Variants in PUM1 observed in about 807,000 individuals in gnomAD.
PUM1 encodes the protein pumilio homolog 1.
In PUM1, 13 loss-of-function variants were observed where a neutral mutation model predicts 131.8. The observed-to-expected ratio is 0.10, with a 90% CI of 0.06 to 0.16. The LOEUF is 0.16. Among genes scored for constraint, PUM1 ranks in the 10% least tolerant of loss-of-function variants. The pLI is 1.00. For missense variants in PUM1, 961 were observed against 1,512.4 expected, an observed-to-expected ratio of 0.64 and a Z score of 6.05; for synonymous variants, 509 against 556.5, an observed-to-expected ratio of 0.91 and a Z score of 1.20.
intron 9 of PUM1, 171 bp from the exon 10 acceptor site, chr1:30,974,973 A>G (rs1338449550): frequency 4.0e-6 from 2 of 494,402 alleles, no homozygotes; most frequent in East Asian, 7.1e-5. Flanking sequence ...TAAACATTAT[A>G]TGAGATCCTT....
intron 3 of PUM1, among the ~76,000 whole-genome samples, chr1:31,013,484 C>A (rs888637944): frequency 6.6e-6 from 1 of 152,162 alleles, no homozygotes; most frequent in Non-Finnish European, 1.5e-5. Flanking sequence ...ACCCTGCAGA[C>A]GTGATCAGTT....
intron 9 of PUM1, among the ~76,000 whole-genome samples, chr1:30,975,815 G>A (rs1031007140): frequency 1.3e-5 from 2 of 151,886 alleles, no homozygotes; most frequent in African/African-American, 4.8e-5. Flanking sequence ...ACAAAATTAA[G>A]CATTCTCTGT....
intron 20 of PUM1, among the ~76,000 whole-genome samples, chr1:30,939,493 A>T (rs1447536917): frequency 1.3e-5 from 2 of 152,292 alleles, no homozygotes; most frequent in Non-Finnish European, 2.9e-5. Flanking sequence ...CATGGAAAAG[A>T]CTGGGAAGTG....
intron 2 of PUM1, among the ~76,000 whole-genome samples, chr1:31,048,729 C>T (rs1351102923): frequency 6.6e-6 from 1 of 151,978 alleles, no homozygotes; most frequent in African/African-American, 2.4e-5. Context: ...CTGCCTCGGC[C>T]TCCCAAAGTG....
chr1:30,981,723 A>G (rs1459922538), intron 7 of PUM1, among the ~76,000 whole-genome samples: 1 of 152,060 alleles, frequency 6.6e-6, no homozygotes, highest in Non-Finnish European at 1.5e-5. Flanking sequence ...ATCTATATCT[A>G]TATATCTATC....
At chr1:30,989,801 A>C (rs1168185711) in intron 7 of PUM1, among the ~76,000 whole-genome samples, 2 of 152,190 alleles carry the variant, frequency 1.3e-5, no homozygotes, top group Non-Finnish European at 2.9e-5. Flanking sequence ...TACTCTATTC[A>C]TGAAAGATAT....
At chr1:31,006,844 T>C (rs1642415976) in intron 4 of PUM1, 150 bp downstream of exon 4, 2 of 601,434 alleles carry the variant, frequency 3.3e-6, no homozygotes, top group African/African-American at 1.9e-5. Context: ...AATTACATCA[T>C]ATAAGCTCCT....
chr1:30,938,612 C>T (rs2124382326), intron 20 of PUM1, among the ~76,000 whole-genome samples: 1 of 152,152 alleles, frequency 6.6e-6, no homozygotes, highest in South Asian at 2.1e-4. Flanking sequence ...CACCTGTAAT[C>T]CCAGCACTTT....
intron 5 of PUM1, among the ~76,000 whole-genome samples, 176 bp downstream of exon 5, chr1:31,005,677 C>T (rs1642374558): frequency 6.6e-6 from 1 of 152,110 alleles, no homozygotes; most frequent in Admixed American, 6.5e-5. Context: ...GTTTACATCT[C>T]CTACTATGTT....
At chr1:30,958,605 C>A (rs1412367590) in intron 14 of PUM1, among the ~76,000 whole-genome samples, 1 of 152,084 alleles carries the variant, frequency 6.6e-6, no homozygotes, top group African/African-American at 2.4e-5. Flanking sequence ...CATGGGTAGG[C>A]AGGGCATGAA....
Position 31,014,864 on chromosome 1 carries a change from T to A in PUM1, c.433-7762A>T, listed in dbSNP as rs1164497250. On this transcript the variant is annotated intron_variant, in intron 3 of 21. Transcript: ENST00000426105. Reference sequence around the variant, plus strand: ...TAAATTAGCTGTGGGCCTGGTGCAGTGGCCCACACCTATAATCCCAGCATA... The same window carrying A: ...TAAATTAGCTGTGGGCCTGGTGCAGAGGCCCACACCTATAATCCCAGCATA... Among the ~76,000 whole-genome samples, 7 of 151,870 alleles carry A rather than the reference T, an allele frequency of 4.6e-5. No individual in the cohort carries two copies. The South Asian group carries it at 1.5e-3, about 32-fold the overall frequency.
chr1:30,947,646 T>C (rs1639736454), intron 17 of PUM1, among the ~76,000 whole-genome samples: 1 of 152,158 alleles, frequency 6.6e-6, no homozygotes, highest in Non-Finnish European at 1.5e-5. Flanking sequence ...CTGTCTCCAA[T>C]CTCTGTACAT....
Position 30,931,610 on chromosome 1 carries a change from GGTTT to G in PUM1, c.*1597_*1600del, listed in dbSNP as rs1476675876. 1 of 152,548 alleles carries G rather than the reference GGTTT, an allele frequency of 6.6e-6. No individual in the cohort carries two copies. The highest frequency in any genetic ancestry group is 6.5e-5 in the Admixed American group (1 of 15,268). The allele number at this position is 152,548 out of a possible 1,614,324, so 9.4% of individuals were successfully genotyped here. On this transcript the variant is annotated 3_prime_UTR_variant, in exon 22 of 22. Transcript: ENST00000426105. ...AGTTGCCCAGGCATAAGCATACACA[GGTTT>G]GTTAATTATACACATATGGTTACAA...
intron 9 of PUM1, 48 bp downstream of exon 9, chr1:30,980,014 T>C (rs766009026): frequency 7.4e-7 from 1 of 1,351,844 alleles, no homozygotes; most frequent in Non-Finnish European, 1.0e-6. Flanking sequence ...CCATCTCAAA[T>C]GACTTTTCAG....
Position 31,038,676 on chromosome 1 carries a change from C to T in PUM1, c.364-9812G>A, listed in dbSNP as rs534501787. Among the ~76,000 whole-genome samples the T allele has an allele frequency of 6.0e-4, 91 of 152,056 alleles. 3 individuals carry two copies. The South Asian group carries it at 0.016, about 27-fold the overall frequency. On this transcript the variant is annotated intron_variant, in intron 2 of 21. Transcript: ENST00000426105. ...ATGATTCTTATCCTTCTTTAAAACA[C>T]GCATACAAATACACACAACTTTACC...
chr1:31,029,264 C>T (rs1456898563), intron 2 of PUM1, among the ~76,000 whole-genome samples: 1 of 152,142 alleles, frequency 6.6e-6, no homozygotes. Flanking sequence ...CAGTTGTGAA[C>T]AGTTAAGTTA....
intron 14 of PUM1, among the ~76,000 whole-genome samples, chr1:30,961,344 T>C (rs1159897888): frequency 1.6e-5 from 2 of 124,278 alleles, no homozygotes; most frequent in African/African-American, 6.1e-5. Flanking sequence ...ACTTAGTTTC[T>C]ACAAAAAAAA....
chr1:30,967,528 C>G (rs1387158670), intron 11 of PUM1, among the ~76,000 whole-genome samples: 2 of 152,128 alleles, frequency 1.3e-5, no homozygotes, highest in African/African-American at 2.4e-5. Context: ...GAACAAATAT[C>G]CTGCAAAATA....
chr1:31,047,741 G>A (rs949353113), intron 2 of PUM1, among the ~76,000 whole-genome samples: 1 of 152,140 alleles, frequency 6.6e-6, no homozygotes, highest in African/African-American at 2.4e-5. Context: ...TCACGTGTTC[G>A]AGACATCCTG....
Sources: allele counts gnomAD v4.1 joint callset (sites outside exome capture counted in the v4.1 genomes callset), GRCh38; gene constraint gnomAD v4.1.1; transcripts MANE v1.5; gene names NCBI Gene and HGNC (gene_info 2026-07-23, HGNC 2026-07-21).